Variants in ASTN2 observed in about 807,000 individuals in gnomAD.
ASTN2 encodes astrotactin 2.
A neutral mutation model predicts 139.8 loss-of-function variants in ASTN2; 54 were observed. That is an observed-to-expected ratio of 0.39 (90% CI 0.31 to 0.48). The LOEUF (loss-of-function observed/expected upper bound fraction) is 0.48. Among genes scored for constraint, ASTN2 ranks in the 20% least tolerant of loss-of-function variants. The pLI is 0.95. For synonymous variants in ASTN2, 756 were observed against 719.5 expected, an observed-to-expected ratio of 1.05 and a Z score of -0.81; for missense variants, 1,565 against 1,725.1, an observed-to-expected ratio of 0.91 and a Z score of 1.64.
intron 2 of ASTN2, among the ~76,000 whole-genome samples, chr9:117,248,113 G>A (rs186080885): frequency 2.6e-5 from 4 of 152,330 alleles, no homozygotes; most frequent in African/African-American, 9.6e-5. Context: ...GCCTCTGGCA[G>A]AAGAATGAGA....
At chr9:117,242,145 C>T (rs188290178) in intron 2 of ASTN2, among the ~76,000 whole-genome samples, 4 of 149,862 alleles carry the variant, frequency 2.7e-5, no homozygotes, top group South Asian at 2.1e-4. Context: ...TTTCATTTAA[C>T]GTGGAGCTTA....
At chr9:117,345,891 C>A (rs1934484) in intron 1 of ASTN2, among the ~76,000 whole-genome samples, 43,453 of 151,620 alleles carry the variant, frequency 0.29, 8,022 homozygotes, top group East Asian at 0.74. Context: ...TCTTATTAGA[C>A]CTACTTACTC....
At chr9:117,118,726 G>A (rs1473742500) in intron 4 of ASTN2, among the ~76,000 whole-genome samples, 1 of 151,928 alleles carries the variant, frequency 6.6e-6, no homozygotes, top group Non-Finnish European at 1.5e-5. Context: ...TTCTCTTCCT[G>A]CCCTTCTCAC....
chr9:116,686,837 C>T (rs978829794), intron 16 of ASTN2: 1 of 1,550,132 alleles, frequency 6.5e-7, no homozygotes, highest in Admixed American at 2.0e-5. Context: ...AGCTCTCTGT[C>T]AGAGCACAGA....
chr9:116,587,848 A>G (rs988868110), intron 19 of ASTN2, among the ~76,000 whole-genome samples: 2 of 90,386 alleles, frequency 2.2e-5, no homozygotes, highest in Non-Finnish European at 4.7e-5. Context: ...AAGGCAGGAG[A>G]TGCTCATATT....
intron 13 of ASTN2, among the ~76,000 whole-genome samples, chr9:116,781,787 A>G (rs945212880): frequency 9.9e-5 from 15 of 152,066 alleles, no homozygotes; most frequent in Admixed American, 2.0e-4. Flanking sequence ...TTGTCATTTC[A>G]GTCCAGGGCC....
intron 7 of ASTN2, among the ~76,000 whole-genome samples, chr9:116,995,798 T>C (rs540583506): frequency 1.3e-5 from 2 of 152,316 alleles, no homozygotes; most frequent in South Asian, 4.1e-4. Flanking sequence ...ATTACATTAA[T>C]TCTAAGGCAT....
At chr9:117,362,945 A>G (rs927893318) in intron 1 of ASTN2, among the ~76,000 whole-genome samples, 1 of 152,070 alleles carries the variant, frequency 6.6e-6, no homozygotes, top group Non-Finnish European at 1.5e-5. Flanking sequence ...TCACTTATAT[A>G]ACTAATAAGC....
chr9:117,172,039 T>C (rs1452833275), intron 3 of ASTN2, among the ~76,000 whole-genome samples: 1 of 152,120 alleles, frequency 6.6e-6, no homozygotes, highest in African/African-American at 2.4e-5. Flanking sequence ...AACGCATCTG[T>C]AGGATCGCAT....
At chr9:117,058,428 T>A (rs1839132056) in intron 5 of ASTN2, among the ~76,000 whole-genome samples, 1 of 152,138 alleles carries the variant, frequency 6.6e-6, no homozygotes, top group Admixed American at 6.5e-5. Flanking sequence ...TTAAGTCCTT[T>A]GCAGGGAATA....
At chr9:116,961,053 C>G (rs1215144397) in intron 10 of ASTN2, among the ~76,000 whole-genome samples, 1 of 151,898 alleles carries the variant, frequency 6.6e-6, no homozygotes, top group African/African-American at 2.4e-5. Flanking sequence ...TGGAGCCATA[C>G]TGTCTGTTCC....
chr9:116,471,226 T>A (rs1250387898), intron 20 of ASTN2, among the ~76,000 whole-genome samples: 1 of 152,178 alleles, frequency 6.6e-6, no homozygotes, highest in Non-Finnish European at 1.5e-5. Context: ...AGGAGAGATT[T>A]CTGGGGACAG....
intron 19 of ASTN2, among the ~76,000 whole-genome samples, chr9:116,492,595 A>G (rs1849550170): frequency 6.6e-6 from 1 of 152,164 alleles, no homozygotes; most frequent in Non-Finnish European, 1.5e-5. Context: ...GTACCAGCCA[A>G]CTTATGAGAT....
At chr9:116,533,805 T>C (rs1327051489) in intron 19 of ASTN2, among the ~76,000 whole-genome samples, 1 of 152,204 alleles carries the variant, frequency 6.6e-6, no homozygotes, top group Non-Finnish European at 1.5e-5. Flanking sequence ...TCATCAGGGA[T>C]ATTGGTCTAA....
chr9:116,433,246 T>C (rs1847551490), intron 22 of ASTN2, among the ~76,000 whole-genome samples: 1 of 152,190 alleles, frequency 6.6e-6, no homozygotes, highest in Admixed American at 6.5e-5. Flanking sequence ...TAAAGGACCC[T>C]TCAAAAAAAT....
At position 116,559,144 on chromosome 9, in the gene ASTN2, G is replaced by A. The variant is rs143402866; in HGVS notation, c.3355+59180C>T. ...AAGCCTACAACCTGTGGGACTGGAGGAGATCTCCCCTCCTCTTCCATATGT... is the reference window on the plus strand; with the variant it reads ...AAGCCTACAACCTGTGGGACTGGAGAAGATCTCCCCTCCTCTTCCATATGT... On this transcript the variant is annotated intron_variant, in intron 19 of 22. Coordinates refer to ENST00000313400, the MANE Select transcript of ASTN2 (RefSeq NM_001365068.1). 6.2e-3 allele frequency among the ~76,000 whole-genome samples: 944 copies of A among 152,268 alleles called. 14 individuals are homozygous for A. Among genetic ancestry groups the A allele is most frequent in the African/African-American group, 0.021 (884 of 41,548 alleles).
intron 7 of ASTN2, among the ~76,000 whole-genome samples, chr9:116,998,987 CAATAT>C (rs1204080068): frequency 2.0e-5 from 3 of 152,116 alleles, no homozygotes; most frequent in Admixed American, 6.6e-5. Flanking sequence ...ATATTTAGTA[CAATAT>C]AAGATTGCTA....
intron 14 of ASTN2, among the ~76,000 whole-genome samples, chr9:116,730,786 A>G (rs1828755524): frequency 6.6e-6 from 1 of 152,200 alleles, no homozygotes; most frequent in Admixed American, 6.5e-5. Context: ...TCCAAACATA[A>G]AAACAAAACA....
chr9:116,757,970 T>TTGAA (rs761780004), intron 13 of ASTN2, among the ~76,000 whole-genome samples: 20 of 152,118 alleles, frequency 1.3e-4, no homozygotes, highest in African/African-American at 3.6e-4. Flanking sequence ...TAAGAATTTG[T>TTGAA]TGAATGAATG....
Sources: allele counts gnomAD v4.1 joint callset (sites outside exome capture counted in the v4.1 genomes callset), GRCh38; gene constraint gnomAD v4.1.1; transcripts MANE v1.5; gene names NCBI Gene and HGNC (gene_info 2026-07-23, HGNC 2026-07-21).